GDE1: variants seen among roughly 807,000 people sequenced by gnomAD.
GDE1 encodes the protein RGS16-interacting membrane protein.
A neutral mutation model predicts 32.2 loss-of-function variants in GDE1; 24 were observed. The ratio of observed to expected loss-of-function variants is 0.75; its 90% CI spans 0.54 to 1.05. The LOEUF (loss-of-function observed/expected upper bound fraction) is 1.05, where lower values mean the gene tolerates loss of function less well. GDE1 is among the 50% of genes least tolerant of loss of function. GDE1 has a pLI of 0.00. For synonymous variants in GDE1, 159 were observed against 158.6 expected (o/e 1.00, Z -0.02); for missense variants, 380 against 415.0 (o/e 0.92, Z 0.73).
rs1404425928 is a variant in GDE1, at chr16:19,502,160, TG to T, written c.*1309del. The T allele has an allele frequency of 6.6e-6, 1 of 152,168 alleles. No individual in the cohort carries two copies. Among genetic ancestry groups the T allele is most frequent in the Non-Finnish European group, 1.5e-5 (1 of 68,038 alleles). 9.4% of individuals were successfully genotyped at this position (152,168 alleles called of 1,614,324 possible). A position where few individuals can be genotyped will look rare whatever the true frequency, so the allele number is the denominator to read the frequency against. On this transcript the variant is annotated 3_prime_UTR_variant, in exon 6 of 6. Coordinates refer to ENST00000353258, the MANE Select transcript of GDE1 (RefSeq NM_016641.4). ...CAGTGAGGGGTAAGGGTAGTGGCTCTGGGGGCAGACTGACCTAGATTTGAAT... is the reference window on the plus strand; with the variant it reads ...CAGTGAGGGGTAAGGGTAGTGGCTCTGGGGCAGACTGACCTAGATTTGAAT...
At chr16:19,521,339 T>A (rs1408425620) in intron 1 of GDE1, 1 of 217,116 alleles carries the variant, frequency 4.6e-6, no homozygotes, top group East Asian at 9.7e-5. Context: ...GTTCCCCCGA[T>A]TTCTTCATTG....
At chr16:19,504,841 G>A in intron 5 of GDE1, 40 bp downstream of exon 5, 2 of 1,267,766 alleles carry the variant, frequency 1.6e-6, no homozygotes, top group Non-Finnish European at 2.3e-6. Context: ...AGAGCATTCA[G>A]GATGTCTGTC....
At chr16:19,518,656 T>G (rs1011335406) in intron 1 of GDE1, among the ~76,000 whole-genome samples, 1 of 152,226 alleles carries the variant, frequency 6.6e-6, no homozygotes, top group African/African-American at 2.4e-5. Flanking sequence ...TGTCACTCCC[T>G]TACCGGTTTT....
At chr16:19,521,102 G>C (rs1288591829) in intron 1 of GDE1, 1 of 152,570 alleles carries the variant, frequency 6.6e-6, no homozygotes, top group African/African-American at 2.4e-5. Flanking sequence ...TATTTGACCT[G>C]ACCCATTTTC....
At chr16:19,506,772 G>C (rs775806918) in intron 4 of GDE1, among the ~76,000 whole-genome samples, 30 of 152,108 alleles carry the variant, frequency 2.0e-4, no homozygotes, top group African/African-American at 7.2e-4. Flanking sequence ...CTGGATATTT[G>C]ATGATATGAA....
chr16:19,516,596 C>T (rs757839534), intron 2 of GDE1, among the ~76,000 whole-genome samples: 2 of 152,086 alleles, frequency 1.3e-5, no homozygotes, highest in Non-Finnish European at 2.9e-5. Flanking sequence ...ACTCTCTATT[C>T]CTACAATTCT....
chr16:19,516,663 A>G (rs1259898180), intron 2 of GDE1, among the ~76,000 whole-genome samples: 1 of 152,202 alleles, frequency 6.6e-6, no homozygotes, highest in Non-Finnish European at 1.5e-5. Context: ...TTAAGTTAAA[A>G]TGTGATATTA....
At chr16:19,507,276 G>A (rs1380593423) in intron 4 of GDE1, among the ~76,000 whole-genome samples, 1 of 152,104 alleles carries the variant, frequency 6.6e-6, no homozygotes, top group Non-Finnish European at 1.5e-5. Context: ...ATGGGGTTAT[G>A]GGTGAAATGA....
chr16:19,520,607 C>A (rs193298384), intron 1 of GDE1, among the ~76,000 whole-genome samples: 1 of 151,684 alleles, frequency 6.6e-6, no homozygotes, highest in East Asian at 1.9e-4. Flanking sequence ...CGCCTGTAAT[C>A]CCAGCTACTC....
At chr16:19,511,018 T>C (rs2079154556) in intron 2 of GDE1, 74 bp from the exon 3 acceptor site, 1 of 714,372 alleles carries the variant, frequency 1.4e-6, no homozygotes, top group South Asian at 1.8e-5. Flanking sequence ...ACATTTTGCA[T>C]ATGTCTCTCA....
rs1969180725 is a variant in GDE1 at position 19,501,996 on chromosome 16, G to T, written c.*1474C>A. The T allele has an allele frequency of 6.6e-6, 1 of 152,228 alleles. No individual in the cohort carries two copies. Among genetic ancestry groups the T allele is most frequent in the Admixed American group, 6.5e-5 (1 of 15,278 alleles). The allele number at this position is 152,228 out of a possible 1,614,324, so 9.4% of individuals were successfully genotyped here. ...TTGAAAGGTGAGAAGCGGTAAGCTA[G>T]AGGAGACAGACGGCGTTGCCATTAA... is the stretch of plus-strand genomic sequence containing the variant. On this transcript the variant is annotated 3_prime_UTR_variant, in exon 6 of 6. Transcript: ENST00000353258.
chr16:19,508,965 T>C (rs900303296), intron 3 of GDE1, among the ~76,000 whole-genome samples: 1 of 152,210 alleles, frequency 6.6e-6, no homozygotes, highest in African/African-American at 2.4e-5. Context: ...AAGACTCAAA[T>C]AGCTAGATTT....
In GDE1 at chr16:19,502,802, C is replaced by G. The variant is rs1969194656; in HGVS notation, c.*668G>C. On this transcript the variant is annotated 3_prime_UTR_variant, in exon 6 of 6. Transcript: ENST00000353258. The stretch of plus-strand genomic sequence containing the variant: ...CAGATCACATCTGTTGCAGAGCTTC[C>G]TAAAAAGCCTGGAAAAATGCAACTC... 6.6e-6 allele frequency: 1 copy of G among 152,114 alleles called. No homozygotes were observed. Among genetic ancestry groups the G allele is most frequent in the Non-Finnish European group, 1.5e-5 (1 of 68,012 alleles). 9.4% of individuals were successfully genotyped at this position (152,114 alleles called of 1,614,324 possible).
intron 1 of GDE1, among the ~76,000 whole-genome samples, chr16:19,518,270 T>C (rs1314131695): frequency 6.6e-6 from 1 of 152,176 alleles, no homozygotes; most frequent in Admixed American, 6.5e-5. Flanking sequence ...ATTTAACATA[T>C]GTGAATATTT....
chr16:19,521,645 G>A, intron 1 of GDE1, 59 bp downstream of exon 1: 3 of 1,569,518 alleles, frequency 1.9e-6, no homozygotes, highest in Non-Finnish European at 2.6e-6. Context: ...ACCCTGGGAA[G>A]GAAAAGTAGA....
intron 2 of GDE1, among the ~76,000 whole-genome samples, chr16:19,513,044 T>C (rs1326922646): frequency 6.6e-6 from 1 of 151,776 alleles, no homozygotes; most frequent in Non-Finnish European, 1.5e-5. Flanking sequence ...TAGTGTGATA[T>C]GTCCAGCTTT....
At chr16:19,507,900 G>C (rs541364238) in intron 3 of GDE1, 121 bp from the exon 4 acceptor site, 1 of 581,042 alleles carries the variant, frequency 1.7e-6, no homozygotes. Flanking sequence ...ACTAGAAATG[G>C]AGGTACTGAA....
At position 19,521,742 on chromosome 16, in the gene GDE1, G is replaced by A; in HGVS notation, c.223C>T (p.His75Tyr). 1 of 1,611,884 alleles carries A rather than the reference G, an allele frequency of 6.2e-7. No individual in the cohort carries two copies. The highest frequency in any genetic ancestry group is 8.5e-7 in the Non-Finnish European group (1 of 1,179,600). ...ISAIAHRGGSHDAPENTLAAI... is the reference protein window; with the variant it reads ...ISAIAHRGGSYDAPENTLAAI... ...GCCAGCGTGTTCTCGGGCGCGTCGTGGCTGCCGCCACGGTGGGCGATGGCA... is the reference window on the plus strand; with the variant it reads ...GCCAGCGTGTTCTCGGGCGCGTCGTAGCTGCCGCCACGGTGGGCGATGGCA... Residue 75 changes from histidine (H) to tyrosine (Y), a missense_variant, in exon 1 of 6, where the codon CAC becomes TAC. Transcript: ENST00000353258.
chr16:19,512,058 G>A (rs1339169171), intron 2 of GDE1, among the ~76,000 whole-genome samples: 1 of 152,012 alleles, frequency 6.6e-6, no homozygotes, highest in Non-Finnish European at 1.5e-5. Context: ...TGATACACTA[G>A]TTTCCTTTCT....
Sources: gnomAD v4.1 joint callset for allele counts (sites outside exome capture counted in the v4.1 genomes callset) on GRCh38, gnomAD v4.1.1 for gene constraint, MANE v1.5 for transcripts, NCBI Gene and HGNC (gene_info 2026-07-23, HGNC 2026-07-21) for gene names.